The following NEGR1 variants were observed in gnomAD, a reference collection of about 807,000 sequenced individuals.
NEGR1 encodes the protein IgLON family member 4.
A neutral mutation model predicts 40.9 loss-of-function variants in NEGR1; 10 were observed. The ratio of observed to expected loss-of-function variants is 0.24; its 90% confidence interval spans 0.15 to 0.42. NEGR1 has a LOEUF of 0.42. Ranked by LOEUF, NEGR1 falls within the 10% of genes least tolerant of loss-of-function variation. NEGR1 has a pLI of 1.00. For synonymous variants in NEGR1, 185 were observed against 166.8 expected, an observed-to-expected ratio of 1.11 and a Z score of -0.84; for missense variants, 352 against 438.9, an observed-to-expected ratio of 0.80 and a Z score of 1.77.
chr1:71,792,434 G>C (rs1321397946), intron 2 of NEGR1, among the ~76,000 whole-genome samples: 3 of 152,072 alleles, frequency 2.0e-5, no homozygotes, highest in Non-Finnish European at 4.4e-5. Flanking sequence ...TTCTCATCCT[G>C]TTTCACCAAA....
intron 1 of NEGR1, among the ~76,000 whole-genome samples, chr1:72,044,999 A>G (rs1397468544): frequency 6.6e-6 from 1 of 151,764 alleles, no homozygotes; most frequent in African/African-American, 2.4e-5. Flanking sequence ...TCCCTCTGAC[A>G]TAAAAGATGG....
intron 6 of NEGR1, among the ~76,000 whole-genome samples, chr1:71,411,587 A>G (rs1441105263): frequency 6.6e-6 from 1 of 152,188 alleles, no homozygotes. Context: ...TATCTGGGCT[A>G]TGGCAAGGGC....
intron 1 of NEGR1, among the ~76,000 whole-genome samples, chr1:72,177,882 A>G (rs117164529): frequency 3.3e-5 from 5 of 152,130 alleles, no homozygotes; most frequent in Admixed American, 2.6e-4. Flanking sequence ...GGAAGGGCCA[A>G]TAAGGTCTCC....
At chr1:72,135,126 C>T (rs1650401894) in intron 1 of NEGR1, among the ~76,000 whole-genome samples, 1 of 150,218 alleles carries the variant, frequency 6.7e-6, no homozygotes, top group African/African-American at 2.4e-5. Flanking sequence ...CCTGTAATCC[C>T]AGCACTTTGG....
At chr1:71,758,211 A>G (rs1400101306) in intron 3 of NEGR1, among the ~76,000 whole-genome samples, 1 of 152,106 alleles carries the variant, frequency 6.6e-6, no homozygotes, top group African/African-American at 2.4e-5. Context: ...AAGTTTAATA[A>G]TCATAAAAAT....
intron 6 of NEGR1, among the ~76,000 whole-genome samples, chr1:71,545,171 A>T (rs1303980355): frequency 1.3e-5 from 2 of 151,572 alleles, no homozygotes; most frequent in Non-Finnish European, 3.0e-5. Flanking sequence ...GTAGTGGGGG[A>T]GTGGTGTGGG....
chr1:71,851,405 C>A (rs118157389), intron 2 of NEGR1, among the ~76,000 whole-genome samples: 10 of 152,058 alleles, frequency 6.6e-5, no homozygotes, highest in Non-Finnish European at 1.5e-4. Flanking sequence ...GCTAAAAATG[C>A]AAATTTTCTT....
intron 6 of NEGR1, among the ~76,000 whole-genome samples, chr1:71,424,979 T>C (rs796416282): frequency 7.9e-5 from 12 of 152,318 alleles, no homozygotes; most frequent in African/African-American, 2.9e-4. Flanking sequence ...TTATGTTCTT[T>C]AAGCCACTTG....
chr1:71,472,824 T>C (rs534236036), intron 6 of NEGR1, among the ~76,000 whole-genome samples: 2 of 152,052 alleles, frequency 1.3e-5, no homozygotes, highest in East Asian at 3.9e-4. Context: ...AAAACATAAA[T>C]AGGCAGAAAT....
At chr1:71,479,680 C>T (rs531164965) in intron 6 of NEGR1, among the ~76,000 whole-genome samples, 2 of 152,094 alleles carry the variant, frequency 1.3e-5, no homozygotes, top group South Asian at 4.2e-4. Context: ...TGAGTTATGG[C>T]TTAAACATCT....
At chr1:71,941,194 T>C (rs892011619) in intron 1 of NEGR1, among the ~76,000 whole-genome samples, 1 of 152,052 alleles carries the variant, frequency 6.6e-6, no homozygotes, top group Admixed American at 6.6e-5. Context: ...TTAACAGAGT[T>C]CAGAACCCCA....
At chr1:71,412,294 C>T (rs1439216387) in intron 6 of NEGR1, among the ~76,000 whole-genome samples, 1 of 152,158 alleles carries the variant, frequency 6.6e-6, no homozygotes, top group South Asian at 2.1e-4. Context: ...GGCCTTCTTC[C>T]TATTCCCCTT....
At chr1:72,126,994 C>G (rs1388022016) in intron 1 of NEGR1, among the ~76,000 whole-genome samples, 2 of 152,220 alleles carry the variant, frequency 1.3e-5, no homozygotes, top group Non-Finnish European at 2.9e-5. Context: ...GAGTCACTAT[C>G]TGTCTCTCCT....
At chr1:72,127,662 C>A (rs961730751) in intron 1 of NEGR1, among the ~76,000 whole-genome samples, 1 of 151,744 alleles carries the variant, frequency 6.6e-6, no homozygotes, top group Non-Finnish European at 1.5e-5. Context: ...GTTTTATTTA[C>A]AAAATAAATA....
chr1:72,243,504 A>G (rs1175297289), intron 1 of NEGR1, among the ~76,000 whole-genome samples: 1 of 151,836 alleles, frequency 6.6e-6, no homozygotes, highest in Non-Finnish European at 1.5e-5. Context: ...GTTGGAAATA[A>G]AAAGAATGAT....
intron 1 of NEGR1, among the ~76,000 whole-genome samples, chr1:72,132,599 G>C (rs1276581211): frequency 6.6e-6 from 1 of 152,106 alleles, no homozygotes; most frequent in African/African-American, 2.4e-5. Context: ...ACTGCTATTT[G>C]TGCACTTCAC....
intron 1 of NEGR1, among the ~76,000 whole-genome samples, chr1:71,963,595 C>T (rs905134739): frequency 2.0e-5 from 3 of 152,088 alleles, no homozygotes; most frequent in African/African-American, 7.2e-5. Flanking sequence ...CTCACCATTC[C>T]TTTGCTCATG....
At chr1:71,972,822 T>C (rs543157866) in intron 1 of NEGR1, among the ~76,000 whole-genome samples, 59 of 152,300 alleles carry the variant, frequency 3.9e-4, no homozygotes, top group Admixed American at 1.4e-3. Context: ...CAGTTGATTC[T>C]TCACTTTAAG....
intron 6 of NEGR1, among the ~76,000 whole-genome samples, chr1:71,550,693 A>C (rs895127795): frequency 3.3e-5 from 5 of 151,568 alleles, no homozygotes; most frequent in African/African-American, 1.2e-4. Flanking sequence ...CCTAACATCC[A>C]CATTCTGTTC....
Sources: gnomAD v4.1 joint callset for allele counts (sites outside exome capture counted in the v4.1 genomes callset) on GRCh38, gnomAD v4.1.1 for gene constraint, MANE v1.5 for transcripts, NCBI Gene and HGNC (gene_info 2026-07-23, HGNC 2026-07-21) for gene names.